The following STK32A variants were observed in gnomAD, a reference collection of about 807,000 sequenced individuals.
The protein encoded by STK32A is serine/threonine-protein kinase 32A.
A neutral mutation model predicts 53.2 loss-of-function variants in STK32A; 41 were observed. That is an observed-to-expected ratio of 0.77 (90% CI 0.60 to 1.00). STK32A has a LOEUF of 1.00. Among genes scored for constraint, STK32A ranks in the 50% least tolerant of loss-of-function variants. The pLI is 0.00. For missense variants in STK32A, 458 were observed against 485.8 expected, an observed-to-expected ratio of 0.94 and a Z score of 0.54; for synonymous variants, 166 against 162.8, an observed-to-expected ratio of 1.02 and a Z score of -0.15.
intron 4 of STK32A, among the ~76,000 whole-genome samples, chr5:147,289,873 T>A (rs73794402): frequency 0.33 from 50,653 of 151,958 alleles, 8,823 homozygotes; most frequent in South Asian, 0.6. Flanking sequence ...TTCTTTCACC[T>A]ATATGTTTAC....
rs919406232 is a variant in STK32A, at chr5:147,324,744, A to T, written c.434+673A>T. Among the ~76,000 whole-genome samples the T allele has an allele frequency of 2.0e-5, 3 of 152,338 alleles. No homozygotes were observed. The East Asian group carries it at 5.8e-4, about 29-fold the overall frequency. ...AAATGATCAGAGCAGATATAATTAG[A>T]CTAGAATTACATATGAAAAAATCAT... is the stretch of plus-strand genomic sequence containing the variant. On this transcript the variant is annotated intron_variant, in intron 5 of 12. Transcript: ENST00000397936.
At chr5:147,363,608 A>G (rs1030706451) in intron 8 of STK32A, among the ~76,000 whole-genome samples, 3 of 152,212 alleles carry the variant, frequency 2.0e-5, no homozygotes, top group African/African-American at 7.2e-5. Flanking sequence ...TCACAGCTGG[A>G]TAGCATTACG....
rs148273941 is a variant in STK32A at position 147,257,526 on chromosome 5, G to C, written c.52+17840G>C. 7.2e-5 allele frequency among the ~76,000 whole-genome samples: 11 copies of C among 152,264 alleles called. 1 individual carries two copies. In the East Asian group the frequency reaches 1.9e-3, roughly 27 times the overall value. ...GTAAAGAAGAAAGAGTAATAGAATA[G>C]ATAAAAGAGAGTTAAATTTTTCTTA... On this transcript the variant is annotated intron_variant, in intron 2 of 12. Coordinates refer to ENST00000397936, the MANE Select transcript of STK32A (RefSeq NM_001112724.2).
rs935967136 is a variant in STK32A, at chr5:147,386,840, A to C, written c.*2857A>C. 1 of 152,190 alleles carries C rather than the reference A, an allele frequency of 6.6e-6. No individual in the cohort carries two copies. The highest frequency in any genetic ancestry group is 1.5e-5 in the Non-Finnish European group (1 of 68,034). 9.4% of individuals were successfully genotyped at this position (152,190 alleles called of 1,614,324 possible). Reference sequence around the variant, plus strand: ...TGCATTTTAAACATGAGAACAAAAAACTTTTCCAAAATTTAAACTTTTCCT... The same window carrying C: ...TGCATTTTAAACATGAGAACAAAAACCTTTTCCAAAATTTAAACTTTTCCT... On this transcript the variant is annotated 3_prime_UTR_variant, in exon 13 of 13. Coordinates refer to ENST00000397936, the MANE Select transcript of STK32A (RefSeq NM_001112724.2).
chr5:147,339,817 C>T (rs1236988220), intron 5 of STK32A, among the ~76,000 whole-genome samples: 1 of 152,222 alleles, frequency 6.6e-6, no homozygotes, highest in African/African-American at 2.4e-5. Context: ...GCCAATTCCT[C>T]TTATTTGGAA....
At chr5:147,383,358 C>G in intron 11 of STK32A, 83 bp from the exon 12 acceptor site, 4 of 1,129,754 alleles carry the variant, frequency 3.5e-6, no homozygotes, top group Non-Finnish European at 5.2e-6. Flanking sequence ...ATTGAATAGA[C>G]TGTCACCAGG....
chr5:147,264,650 T>C (rs942483320), intron 2 of STK32A, among the ~76,000 whole-genome samples: 2 of 152,186 alleles, frequency 1.3e-5, no homozygotes, highest in African/African-American at 2.4e-5. Flanking sequence ...GATGGAGGCA[T>C]GTTGGGATAA....
At chr5:147,315,089 A>T (rs1427308200) in intron 4 of STK32A, among the ~76,000 whole-genome samples, 1 of 152,122 alleles carries the variant, frequency 6.6e-6, no homozygotes, top group Admixed American at 6.6e-5. Flanking sequence ...GTTGGAGAGG[A>T]TGTAGAGAAA....
the STK32A span, chr5:147,401,902 A>T: frequency 4.1e-6 from 2 of 482,656 alleles, no homozygotes; most frequent in East Asian, 7.8e-5. Flanking sequence ...AGATTAAAAG[A>T]AGCCATTGGT....
intron 2 of STK32A, among the ~76,000 whole-genome samples, chr5:147,249,681 G>T (rs1018735065): frequency 6.6e-6 from 1 of 151,976 alleles, no homozygotes; most frequent in Non-Finnish European, 1.5e-5. Context: ...GGGAGGCCGA[G>T]GGGGGTGGAT....
At chr5:147,345,621 C>T (rs1207206576) in intron 6 of STK32A, among the ~76,000 whole-genome samples, 2 of 152,068 alleles carry the variant, frequency 1.3e-5, no homozygotes, top group African/African-American at 4.8e-5. Context: ...TCCCTTCATC[C>T]TCAGGTAACT....
chr5:147,364,886 A>G (rs1756676808), intron 8 of STK32A, among the ~76,000 whole-genome samples: 1 of 152,184 alleles, frequency 6.6e-6, no homozygotes, highest in South Asian at 2.1e-4. Context: ...AGTCTGTAAC[A>G]GGTTGTATAC....
At chr5:147,265,297 G>A (rs948292613) in intron 2 of STK32A, among the ~76,000 whole-genome samples, 6 of 151,946 alleles carry the variant, frequency 3.9e-5, no homozygotes, top group African/African-American at 1.4e-4. Context: ...TTTCATCAAA[G>A]CATTCAATCT....
chr5:147,272,238 G>A (rs1041240187), intron 2 of STK32A, among the ~76,000 whole-genome samples: 7 of 152,142 alleles, frequency 4.6e-5, no homozygotes, highest in East Asian at 1.9e-4. Context: ...CACCACACCC[G>A]GCTAATTTTT....
At chr5:147,238,480 T>C (rs1394881512) in intron 1 of STK32A, among the ~76,000 whole-genome samples, 11 of 152,212 alleles carry the variant, frequency 7.2e-5, no homozygotes. Flanking sequence ...GAACACAGGA[T>C]GCTGCCTCTC....
At chr5:147,389,128 T>A (rs1050880138), downstream of STK32A, among the ~76,000 whole-genome samples, 1 of 152,194 alleles carries the variant, frequency 6.6e-6, no homozygotes, top group Non-Finnish European at 1.5e-5. Context: ...ATCAAGGGCA[T>A]TGTTCTATCA....
intron 4 of STK32A, among the ~76,000 whole-genome samples, chr5:147,309,528 G>T (rs1313273798): frequency 1.3e-5 from 2 of 152,064 alleles, no homozygotes; most frequent in Non-Finnish European, 2.9e-5. Flanking sequence ...CTGTTTAAAA[G>T]CATATTGAGT....
At chr5:147,319,345 T>C (rs1007901197) in intron 4 of STK32A, among the ~76,000 whole-genome samples, 3 of 152,032 alleles carry the variant, frequency 2.0e-5, no homozygotes, top group Non-Finnish European at 4.4e-5. Context: ...GGTTTCACCA[T>C]GTTAGCCAGG....
At chr5:147,312,825 G>A (rs1019167237) in intron 4 of STK32A, among the ~76,000 whole-genome samples, 1 of 152,108 alleles carries the variant, frequency 6.6e-6, no homozygotes, top group Admixed American at 6.5e-5. Flanking sequence ...GCAATATCAA[G>A]CAAACATTAC....
Sources: allele counts gnomAD v4.1 joint callset (sites outside exome capture counted in the v4.1 genomes callset), GRCh38; gene constraint gnomAD v4.1.1; transcripts MANE v1.5; gene names NCBI Gene and HGNC (gene_info 2026-07-23, HGNC 2026-07-21).